Variants in WTAP observed in about 807,000 individuals in gnomAD.
WTAP encodes pre-mRNA-splicing regulator WTAP.
Under a neutral mutation model 50.0 loss-of-function variants are expected in WTAP, and 8 were observed. The ratio of observed to expected loss-of-function variants is 0.16; its 90% CI spans 0.09 to 0.29. WTAP has a LOEUF of 0.29. Ranked by LOEUF, WTAP falls within the 10% of genes least tolerant of loss-of-function variation. The pLI is 1.00. For synonymous variants in WTAP, 194 were observed against 169.0 expected, an observed-to-expected ratio of 1.15 and a Z score of -1.15; for missense variants, 295 against 470.7, an observed-to-expected ratio of 0.63 and a Z score of 3.45.
chr6:159,740,395 G>A (rs1466583819), intron 3 of WTAP, among the ~76,000 whole-genome samples: 2 of 152,164 alleles, frequency 1.3e-5, no homozygotes, highest in Non-Finnish European at 2.9e-5. Flanking sequence ...ACTTTTAGGC[G>A]AGTTTTTTCT....
At chr6:159,755,007 G>T (rs185582589) in intron 7 of WTAP, 21 bp from the exon 8 acceptor site, 1 of 1,573,652 alleles carries the variant, frequency 6.4e-7, no homozygotes, top group Non-Finnish European at 8.6e-7. Context: ...ATTAAAGTTG[G>T]TCTGACTCTC....
At chr6:159,747,369 A>G (rs1166083431) in intron 5 of WTAP, among the ~76,000 whole-genome samples, 6 of 152,186 alleles carry the variant, frequency 3.9e-5, no homozygotes, top group Admixed American at 3.9e-4. Flanking sequence ...TAGTCCCGCT[A>G]TGGCACTGAA....
intron 1 of WTAP, among the ~76,000 whole-genome samples, chr6:159,734,562 G>A (rs2114888353): frequency 6.6e-6 from 1 of 152,236 alleles, no homozygotes; most frequent in Non-Finnish European, 1.5e-5. Context: ...GGTAGTTCTA[G>A]CTACTTGGGA....
chr6:159,736,318 T>A (rs1562455226), intron 2 of WTAP, 23 bp downstream of exon 2: 1 of 1,599,666 alleles, frequency 6.3e-7, no homozygotes, highest in Non-Finnish European at 8.5e-7. Context: ...GTTTTGGGTT[T>A]TTTTGTTTTG....
rs1420180948 is a variant in WTAP at position 159,727,716 on chromosome 6, C to G, written c.-9+13C>G. 2 of 983,674 alleles carry G rather than the reference C, an allele frequency of 2.0e-6. No individual in the cohort carries two copies. The highest frequency in any genetic ancestry group is 2.4e-6 in the Non-Finnish European group (2 of 829,676). The allele number at this position is 983,674 out of a possible 1,614,324, so 60.9% of individuals were successfully genotyped here. On this transcript the variant is annotated intron_variant, in intron 1 of 7. Coordinates refer to ENST00000621533, the MANE Select transcript of WTAP (RefSeq NM_001270531.2). ...TCTGCCTGGAGAGGTAGGCGCGGGC[C>G]GGCTGGCGGGAGCGGACGCGGGGGA...
intron 5 of WTAP, among the ~76,000 whole-genome samples, chr6:159,744,713 T>C (rs1198467860): frequency 3.3e-5 from 5 of 152,120 alleles, no homozygotes; most frequent in Admixed American, 6.6e-5. Flanking sequence ...TACTTTTTTT[T>C]CCCACTAACC....
Position 159,755,776 on chromosome 6 carries a change from T to A in WTAP, c.*165T>A. The A allele has an allele frequency of 2.9e-6, 3 of 1,028,844 alleles. No homozygotes were observed. The highest frequency in any genetic ancestry group is 3.7e-6 in the Non-Finnish European group (3 of 803,562). The allele number at this position is 1,028,844 out of a possible 1,614,324, so 63.7% of individuals were successfully genotyped here. A position where few individuals can be genotyped will look rare whatever the true frequency, so the allele number is the denominator to read the frequency against. ...TTTTTTTTTCTTTTCTTTTTTTTTT[T>A]TTTTTTTTTTTTTTGCTTCAATACT... On this transcript the variant is annotated 3_prime_UTR_variant, in exon 8 of 8. Transcript: ENST00000621533.
chr6:159,732,513 T>C (rs746649572), intron 1 of WTAP, among the ~76,000 whole-genome samples: 1 of 152,172 alleles, frequency 6.6e-6, no homozygotes, highest in Admixed American at 6.5e-5. Flanking sequence ...CTCAAATAGC[T>C]AAAATTGTCT....
rs1041361421 is a variant in WTAP, at chr6:159,738,929, CATT to C, written c.31-58_31-56del. 4.3e-5 allele frequency: 55 copies of C among 1,266,322 alleles called. No individual in the cohort carries two copies. The African/African-American group carries it at 6.2e-4, about 14-fold the overall frequency. The allele number at this position is 1,266,322 out of a possible 1,614,324, so 78.4% of individuals were successfully genotyped here. The stretch of plus-strand genomic sequence containing the variant: ...CACTTGGGAGATGTTTCATAGGTCT[CATT>C]ATAGAACTTTGTGTCTTCAGGAAGA... On this transcript the variant is annotated intron_variant, in intron 2 of 7. Coordinates refer to ENST00000621533, the MANE Select transcript of WTAP (RefSeq NM_001270531.2).
chr6:159,739,753 T>TGTTTCCTA (rs1408852188), intron 3 of WTAP, among the ~76,000 whole-genome samples: 10 of 151,340 alleles, frequency 6.6e-5, no homozygotes, highest in South Asian at 6.3e-4. Context: ...CAGATTTTGT[T>TGTTTCCTA]GTTTCCTAGA....
At position 159,742,119 on chromosome 6, in the gene WTAP, T is replaced by C; in HGVS notation, c.118T>C (p.Leu40=). Residue 40 remains leucine, a synonymous_variant, in exon 4 of 8, where the codon TTG becomes CTG. Transcript: ENST00000621533. ...ACAATATGAAGCATATGTACAAGCT[T>C]TGGAGGGCAAGTACACAGATCTTAA... The part of the protein sequence containing the change: ...WKQYEAYVQA[L]EGKYTDLNSN... 6.2e-7 allele frequency: 1 copy of C among 1,609,040 alleles called. No homozygotes were observed. The highest frequency in any genetic ancestry group is 8.5e-7 in the Non-Finnish European group (1 of 1,178,634).
chr6:159,749,041 T>C (rs896338566), intron 6 of WTAP: 22 of 993,852 alleles, frequency 2.2e-5, no homozygotes, highest in Non-Finnish European at 2.6e-5. Flanking sequence ...TTTAACCATT[T>C]AGTTTGGGGC....
At chr6:159,730,057 T>C (rs1778473283) in intron 1 of WTAP, among the ~76,000 whole-genome samples, 1 of 152,168 alleles carries the variant, frequency 6.6e-6, no homozygotes, top group East Asian at 1.9e-4. Context: ...ACTGAAACTT[T>C]TATGTAATTT....
intron 2 of WTAP, among the ~76,000 whole-genome samples, chr6:159,737,557 A>G (rs1778996352): frequency 6.6e-6 from 1 of 152,038 alleles, no homozygotes; most frequent in African/African-American, 2.4e-5. Context: ...GCAGTGGTAC[A>G]ATCTTGGCTC....
At position 159,742,078 on chromosome 6, in the gene WTAP, T is replaced by C. The variant is rs758557409; in HGVS notation, c.87-10T>C. 6.3e-7 allele frequency: 1 copy of C among 1,589,706 alleles called. No individual in the cohort carries two copies. The highest frequency in any genetic ancestry group is 8.6e-7 in the Non-Finnish European group (1 of 1,167,600). On this transcript the variant is annotated splice_polypyrimidine_tract_variant and intron_variant, in intron 3 of 7. Coordinates refer to ENST00000621533, the MANE Select transcript of WTAP (RefSeq NM_001270531.2). ...TCGTAACAACTAATGTATGGATTTT[T>C]TTTTATTAGATGGAAACAATATGAA...
chr6:159,741,982 G>T, intron 3 of WTAP, 106 bp from the exon 4 acceptor site: 3 of 830,298 alleles, frequency 3.6e-6, no homozygotes, highest in Non-Finnish European at 1.9e-6. Context: ...GAAAAATCCA[G>T]AAGAATGCTC....
rs564156087 is a variant in WTAP, at chr6:159,727,665, A to G, written c.-47A>G. The stretch of plus-strand genomic sequence containing the variant: ...AGGGCAAGCAGCGCGGCCTCGGCCT[A>G]TGCGACCGGTGGCGCCGGCGCGGCT... On this transcript the variant is annotated 5_prime_UTR_variant, in exon 1 of 8. An upstream start codon of the reference 5' UTR is lost. Transcript: ENST00000621533. 4.1e-6 allele frequency: 4 copies of G among 985,264 alleles called. No individual in the cohort carries two copies. The highest frequency in any genetic ancestry group is 2.3e-4 in the East Asian group (2 of 8,776). 61.0% of individuals were successfully genotyped at this position (985,264 alleles called of 1,614,324 possible). A position where few individuals can be genotyped will look rare whatever the true frequency, so the allele number is the denominator to read the frequency against.
chr6:159,742,290 A>C (rs747988627), intron 4 of WTAP, 144 bp downstream of exon 4: 152 of 622,058 alleles, frequency 2.4e-4, no homozygotes, highest in Middle Eastern at 4.5e-4. Flanking sequence ...TGTTGGGTGC[A>C]AGAAAATATA....
At chr6:159,733,919 A>G (rs59296134) in intron 1 of WTAP, among the ~76,000 whole-genome samples, 5,212 of 151,786 alleles carry the variant, frequency 0.034, 135 homozygotes, top group South Asian at 0.067. Flanking sequence ...TCCATCTCCA[A>G]AAAAAAAGAT....
Sources: allele counts gnomAD v4.1 joint callset (sites outside exome capture counted in the v4.1 genomes callset), GRCh38; gene constraint gnomAD v4.1.1; transcripts MANE v1.5; gene names NCBI Gene and HGNC (gene_info 2026-07-23, HGNC 2026-07-21).